Variants in DENND1A observed in about 807,000 individuals in gnomAD.
DENND1A encodes DENN domain containing 1A.
In DENND1A, 51 loss-of-function variants were observed where a neutral mutation model predicts 113.7. That is an observed-to-expected ratio of 0.45 (90% CI 0.36 to 0.57). The LOEUF (loss-of-function observed/expected upper bound fraction) is 0.57, where lower values mean the gene tolerates loss of function less well. Among genes scored for constraint, DENND1A ranks in the 20% least tolerant of loss-of-function variants. DENND1A has a pLI of 0.00. For synonymous variants in DENND1A, 565 were observed against 570.8 expected (o/e 0.99, Z 0.14); for missense variants, 1,258 against 1,395.9 (o/e 0.90, Z 1.57).
rs908210284 is a variant in DENND1A at position 123,417,481 on chromosome 9, A to G, written c.1489-5652T>C. ...CAGAGACAGGAAACAGGAGGCCCAGAGAGGTTAAGGGACTAGTATGAGGTC... is the reference window on the plus strand; with the variant it reads ...CAGAGACAGGAAACAGGAGGCCCAGGGAGGTTAAGGGACTAGTATGAGGTC... On this transcript the variant is annotated intron_variant, in intron 19 of 23. Coordinates refer to ENST00000394215, the MANE Select transcript of DENND1A (RefSeq NM_001352964.2). Among the ~76,000 whole-genome samples the G allele has an allele frequency of 1.2e-4, 18 of 152,248 alleles. 1 individual carries two copies.
At chr9:123,808,116 C>A (rs1488005756) in intron 2 of DENND1A, among the ~76,000 whole-genome samples, 1 of 151,940 alleles carries the variant, frequency 6.6e-6, no homozygotes, top group Non-Finnish European at 1.5e-5. Context: ...ATCCCAACTA[C>A]TCAGGAGGCT....
intron 10 of DENND1A, among the ~76,000 whole-genome samples, chr9:123,612,066 T>C (rs951059170): frequency 1.3e-5 from 2 of 152,248 alleles, no homozygotes; most frequent in African/African-American, 4.8e-5. Context: ...AAAACACATT[T>C]ATTCTGAAAT....
At chr9:123,787,129 C>A (rs1293101133) in intron 3 of DENND1A, among the ~76,000 whole-genome samples, 3 of 151,866 alleles carry the variant, frequency 2.0e-5, no homozygotes, top group African/African-American at 7.3e-5. Context: ...ACATTTTATA[C>A]ACCACACTGC....
At chr9:123,683,657 G>A (rs746662029) in intron 5 of DENND1A, among the ~76,000 whole-genome samples, 1 of 152,056 alleles carries the variant, frequency 6.6e-6, no homozygotes, top group Non-Finnish European at 1.5e-5. Flanking sequence ...AAGACCTCCT[G>A]GGCTTACTAG....
chr9:123,897,408 T>C (rs1229699490), intron 1 of DENND1A, among the ~76,000 whole-genome samples: 1 of 152,126 alleles, frequency 6.6e-6, no homozygotes, highest in East Asian at 1.9e-4. Flanking sequence ...ACCTAAAGCA[T>C]TGAGTGAGGG....
intron 12 of DENND1A, among the ~76,000 whole-genome samples, chr9:123,560,377 C>T (rs1228742772): frequency 6.6e-6 from 1 of 152,186 alleles, no homozygotes; most frequent in East Asian, 1.9e-4. Context: ...GGACACTAAA[C>T]TGAGTGAAGA....
chr9:123,787,890 T>C (rs1385728246), intron 3 of DENND1A, among the ~76,000 whole-genome samples: 1 of 152,158 alleles, frequency 6.6e-6, no homozygotes, highest in African/African-American at 2.4e-5. Context: ...ATTGTTATAG[T>C]TTCTATAAAC....
Position 123,767,277 on chromosome 9 carries a change from T to C in DENND1A, c.182+2237A>G, listed in dbSNP as rs188990695. Reference sequence around the variant, plus strand: ...TATATAGTCCCCACATAAAATGATTTTTTGGTATCAATAAAAGTTATCAAC... The same window carrying C: ...TATATAGTCCCCACATAAAATGATTCTTTGGTATCAATAAAAGTTATCAAC... On this transcript the variant is annotated intron_variant, in intron 4 of 23. Coordinates refer to ENST00000394215, the MANE Select transcript of DENND1A (RefSeq NM_001352964.2). Among the ~76,000 whole-genome samples the C allele has an allele frequency of 7.6e-4, 115 of 152,270 alleles. 1 individual carries two copies. Among genetic ancestry groups the C allele is most frequent in the Non-Finnish European group, 1.2e-3 (84 of 68,002 alleles).
At chr9:123,568,141 C>T (rs1182951397) in intron 12 of DENND1A, among the ~76,000 whole-genome samples, 6 of 152,266 alleles carry the variant, frequency 3.9e-5, no homozygotes, top group Admixed American at 3.3e-4. Flanking sequence ...CTTGATTGAT[C>T]AATGGATGAA....
intron 13 of DENND1A, among the ~76,000 whole-genome samples, chr9:123,473,936 T>C: frequency 6.6e-6 from 1 of 151,266 alleles, no homozygotes; most frequent in East Asian, 1.9e-4. Flanking sequence ...ACTCAGCCTC[T>C]CCAAGCTCAG....
chr9:123,824,750 T>A (rs1051790294), intron 2 of DENND1A, among the ~76,000 whole-genome samples: 1 of 152,226 alleles, frequency 6.6e-6, no homozygotes, highest in African/African-American at 2.4e-5. Flanking sequence ...TAGCTATCGA[T>A]TCTAGTGTAA....
At chr9:123,403,643 T>G in intron 20 of DENND1A, 153 bp from the exon 21 acceptor site, 1 of 657,408 alleles carries the variant, frequency 1.5e-6, no homozygotes, top group Middle Eastern at 3.4e-4. Context: ...CACAGAAACA[T>G]CACCATCTAA....
At chr9:123,692,814 T>C (rs1471536192) in intron 5 of DENND1A, among the ~76,000 whole-genome samples, 1 of 152,228 alleles carries the variant, frequency 6.6e-6, no homozygotes, top group Non-Finnish European at 1.5e-5. Context: ...ACCAGTTCTG[T>C]GCTCTGGGCC....
Position 123,639,796 on chromosome 9 carries a change from A to C in DENND1A, c.619-9320T>G, listed in dbSNP as rs544608581. Among the ~76,000 whole-genome samples the C allele has an allele frequency of 4.6e-4, 69 of 150,838 alleles. 1 individual carries two copies. The South Asian group carries it at 0.013, about 29-fold the overall frequency. On this transcript the variant is annotated intron_variant, in intron 9 of 23. Transcript: ENST00000394215. ...CCATCTCAAAAAAAAAAAAAAAAAAAACAAAAACAAAAAACAGCCACCACC... is the reference window on the plus strand; with the variant it reads ...CCATCTCAAAAAAAAAAAAAAAAAACACAAAAACAAAAAACAGCCACCACC...
At chr9:123,902,713 T>G (rs1407949808) in intron 1 of DENND1A, among the ~76,000 whole-genome samples, 1 of 150,850 alleles carries the variant, frequency 6.6e-6, no homozygotes, top group Non-Finnish European at 1.5e-5. Flanking sequence ...ACTGACATCC[T>G]TAAATAGAAC....
At chr9:123,651,672 C>A (rs1305242465) in intron 9 of DENND1A, among the ~76,000 whole-genome samples, 1 of 152,098 alleles carries the variant, frequency 6.6e-6, no homozygotes, top group Non-Finnish European at 1.5e-5. Context: ...ACCTAAATGG[C>A]CATCAAGAGA....
In DENND1A at chr9:123,380,799, C is replaced by G. The variant is rs2042235750; in HGVS notation, c.*633G>C. The G allele has an allele frequency of 6.5e-6, 1 of 152,834 alleles. No individual in the cohort carries two copies. Among genetic ancestry groups the G allele is most frequent in the African/African-American group, 2.4e-5 (1 of 41,456 alleles). The allele number at this position is 152,834 out of a possible 1,614,324, so 9.5% of individuals were successfully genotyped here. On this transcript the variant is annotated 3_prime_UTR_variant, in exon 24 of 24. Coordinates refer to ENST00000394215, the MANE Select transcript of DENND1A (RefSeq NM_001352964.2). ...TGTATCACAAGGCAGCCCAAGACCC[C>G]CTGGTCCCCAGATCCTCCCAGGTCA...
intron 2 of DENND1A, among the ~76,000 whole-genome samples, chr9:123,831,584 T>C (rs1840219200): frequency 6.6e-6 from 1 of 152,188 alleles, no homozygotes; most frequent in East Asian, 1.9e-4. Context: ...CTGGTAGTGG[T>C]AAAATAGATA....
At chr9:123,792,709 G>A in intron 2 of DENND1A, 79 bp from the exon 3 acceptor site, 2 of 1,518,464 alleles carry the variant, frequency 1.3e-6, no homozygotes, top group Non-Finnish European at 1.8e-6. Flanking sequence ...TATTTGATCA[G>A]AAGATGATAG....
Sources: gnomAD v4.1 joint callset for allele counts (sites outside exome capture counted in the v4.1 genomes callset) on GRCh38, gnomAD v4.1.1 for gene constraint, MANE v1.5 for transcripts, NCBI Gene and HGNC (gene_info 2026-07-23, HGNC 2026-07-21) for gene names.